Variants in ABTB3 observed in about 807,000 individuals in gnomAD.
The protein encoded by ABTB3 is ankyrin repeat- and BTB/POZ domain-containing protein 3.
chr12:107,610,146 C>T, the ABTB3 span: 3 of 1,612,456 alleles, frequency 1.9e-6, no homozygotes, highest in Non-Finnish European at 8.5e-7. Flanking sequence ...CTGTGCCCCT[C>T]TGGGAAGCCG....
chr12:107,466,047 C>T, the ABTB3 span, among the ~76,000 whole-genome samples: 1 of 152,174 alleles, frequency 6.6e-6, no homozygotes, highest in Non-Finnish European at 1.5e-5. Context: ...AGGTAAACAA[C>T]AGTCATAAGC....
chr12:107,643,361 C>T, the ABTB3 span, among the ~76,000 whole-genome samples: 1 of 144,304 alleles, frequency 6.9e-6, no homozygotes, highest in Admixed American at 7.4e-5. Context: ...CATAATCGCA[C>T]CACTGCACTC....
At chr12:107,584,375 A>C in the ABTB3 span, among the ~76,000 whole-genome samples, 3 of 152,202 alleles carry the variant, frequency 2.0e-5, no homozygotes, top group Non-Finnish European at 4.4e-5. Context: ...AGGTTATGGG[A>C]CTTATCCGAG....
At chr12:107,508,438 C>CTTTTTTTTTTTTTTTTTTTTTTTTTTTT in the ABTB3 span, among the ~76,000 whole-genome samples, 21 of 69,160 alleles carry the variant, frequency 3.0e-4, no homozygotes, top group East Asian at 2.1e-3. Flanking sequence ...AAGATCATTT[C>CTTTTTTTTTTTTTTTTTTTTTTTTTTTT]TTTTTTTTTT....
At chr12:107,635,252 C>G in the ABTB3 span, 1 of 1,599,482 alleles carries the variant, frequency 6.3e-7, no homozygotes, top group Non-Finnish European at 8.6e-7. Flanking sequence ...GCCACAGCCC[C>G]CTGTATCATG....
At chr12:107,386,890 A>AGTGTGTGTGTGTGT in the ABTB3 span, among the ~76,000 whole-genome samples, 135 of 143,346 alleles carry the variant, frequency 9.4e-4, 2 homozygotes, top group South Asian at 1.4e-3. Context: ...GGAAATGGAA[A>AGTGTGTGTGTGTGT]GTGTGTGTGT....
At chr12:107,342,299 T>G in the ABTB3 span, among the ~76,000 whole-genome samples, 6 of 152,062 alleles carry the variant, frequency 3.9e-5, no homozygotes, top group South Asian at 2.1e-4. Context: ...GAAGCTTCCA[T>G]CCAAGCAGCT....
At chr12:107,654,474 T>A in the ABTB3 span, among the ~76,000 whole-genome samples, 1 of 152,118 alleles carries the variant, frequency 6.6e-6, no homozygotes, top group Non-Finnish European at 1.5e-5. Context: ...AATTTTTGTA[T>A]TTTTAGTAGA....
the ABTB3 span, among the ~76,000 whole-genome samples, chr12:107,428,482 G>T: frequency 1.3e-5 from 2 of 152,148 alleles, no homozygotes; most frequent in African/African-American, 4.8e-5. Flanking sequence ...TGAAGGATGC[G>T]AGTTAAGGAA....
the ABTB3 span, chr12:107,319,772 C>T: frequency 2.0e-6 from 3 of 1,469,902 alleles, no homozygotes; most frequent in Non-Finnish European, 1.8e-6. Flanking sequence ...GAGCTCGGGC[C>T]CTGGTGCGGC....
chr12:107,414,958 C>A, the ABTB3 span, among the ~76,000 whole-genome samples: 1 of 152,138 alleles, frequency 6.6e-6, no homozygotes, highest in Non-Finnish European at 1.5e-5. Flanking sequence ...AAGTGATCCA[C>A]CTGCCTTGGC....
the ABTB3 span, among the ~76,000 whole-genome samples, chr12:107,594,920 T>C: frequency 6.6e-6 from 1 of 152,032 alleles, no homozygotes; most frequent in Non-Finnish European, 1.5e-5. Context: ...GATAATTCAT[T>C]GTTGCTGGGG....
At chr12:107,394,744 C>A in the ABTB3 span, among the ~76,000 whole-genome samples, 1 of 152,226 alleles carries the variant, frequency 6.6e-6, no homozygotes, top group African/African-American at 2.4e-5. Flanking sequence ...TAGAACAATG[C>A]CTGGCACAGA....
chr12:107,433,741 A>G, the ABTB3 span, among the ~76,000 whole-genome samples: 1 of 152,198 alleles, frequency 6.6e-6, no homozygotes, highest in African/African-American at 2.4e-5. Context: ...AAGATAGCCA[A>G]TAAAGGGGTG....
the ABTB3 span, among the ~76,000 whole-genome samples, chr12:107,598,433 G>C: frequency 6.6e-6 from 1 of 152,202 alleles, no homozygotes. Context: ...GCCAGCCATA[G>C]AGTCTGGAAA....
the ABTB3 span, among the ~76,000 whole-genome samples, chr12:107,324,859 A>G: frequency 1.3e-5 from 2 of 152,250 alleles, no homozygotes; most frequent in African/African-American, 4.8e-5. Context: ...CCTTACGCTT[A>G]GATCTAACCC....
the ABTB3 span, among the ~76,000 whole-genome samples, chr12:107,453,143 G>C: frequency 2.0e-5 from 3 of 152,148 alleles, no homozygotes; most frequent in African/African-American, 7.2e-5. Flanking sequence ...AGGAACCAAG[G>C]GGAGGCCAGG....
chr12:107,486,402 A>C, the ABTB3 span: 1 of 152,180 alleles, frequency 6.6e-6, no homozygotes, highest in East Asian at 1.9e-4. Context: ...TAGTTGCTAC[A>C]AAGAGTATAT....
chr12:107,332,697 C>T, the ABTB3 span, among the ~76,000 whole-genome samples: 1 of 152,100 alleles, frequency 6.6e-6, no homozygotes, highest in African/African-American at 2.4e-5. Context: ...CGGGGTTGAA[C>T]CCAGGCCATC....
Sources: gnomAD v4.1 joint callset for allele counts (sites outside exome capture counted in the v4.1 genomes callset) on GRCh38, gnomAD v4.1.1 for gene constraint, MANE v1.5 for transcripts, NCBI Gene and HGNC (gene_info 2026-07-23, HGNC 2026-07-21) for gene names.